PDZD2: variants seen among roughly 807,000 people sequenced by gnomAD.
PDZD2 encodes the protein PDZ domain-containing protein 2.
In PDZD2, 90 loss-of-function variants were observed where a neutral mutation model predicts 220.7. That is an observed-to-expected ratio of 0.41 (90% CI 0.34 to 0.49). The LOEUF (loss-of-function observed/expected upper bound fraction) is 0.49. Among genes scored for constraint, PDZD2 ranks in the 20% least tolerant of loss-of-function variants. The probability of loss-of-function intolerance (pLI) is 0.28; values close to 1 mark genes in which losing one functional copy is unlikely to be tolerated. For synonymous variants in PDZD2, 1,375 were observed against 1,450.5 expected (o/e 0.95, Z 1.18); for missense variants, 3,174 against 3,608.5 (o/e 0.88, Z 3.08).
chr5:31,788,482 G>A (rs1307934080), intron 1 of PDZD2, among the ~76,000 whole-genome samples: 2 of 152,102 alleles, frequency 1.3e-5, no homozygotes, highest in Non-Finnish European at 2.9e-5. Flanking sequence ...TGGCTAACAT[G>A]GTGAAACCCC....
intron 1 of PDZD2, among the ~76,000 whole-genome samples, chr5:31,789,569 G>A (rs991885311): frequency 6.6e-6 from 1 of 152,172 alleles, no homozygotes; most frequent in Non-Finnish European, 1.5e-5. Context: ...GCTAGATAGG[G>A]CTCCTTGTGA....
At chr5:31,685,766 C>T (rs1042917553) in intron 1 of PDZD2, among the ~76,000 whole-genome samples, 4 of 152,160 alleles carry the variant, frequency 2.6e-5, no homozygotes, top group Non-Finnish European at 5.9e-5. Context: ...TCAAGCAATC[C>T]ACCTGCCTTG....
intron 2 of PDZD2, among the ~76,000 whole-genome samples, chr5:31,906,632 C>T (rs1239543270): frequency 6.6e-6 from 1 of 152,060 alleles, no homozygotes; most frequent in Non-Finnish European, 1.5e-5. Context: ...CATCTGAGGT[C>T]AGGAGTTCCA....
intron 1 of PDZD2, among the ~76,000 whole-genome samples, chr5:31,716,002 TC>T (rs1237896627): frequency 1.3e-5 from 2 of 152,314 alleles, no homozygotes; most frequent in Non-Finnish European, 1.5e-5. Context: ...AGGCCCCTCT[TC>T]TGCTATTTCT....
At chr5:31,861,116 T>G (rs1737666898) in intron 2 of PDZD2, among the ~76,000 whole-genome samples, 1 of 152,182 alleles carries the variant, frequency 6.6e-6, no homozygotes, top group Non-Finnish European at 1.5e-5. Context: ...GATGGCCCTT[T>G]TGCTTTCTCC....
At position 32,040,800 on chromosome 5, in the gene PDZD2, T is replaced by C. The variant is rs565927795; in HGVS notation, c.1519+3458T>C. ...CCCGGCCGCCACCCCGTCTGGGAAG[T>C]GGGGAGCACCTCTGCCCAGCCGCCC... is the stretch of plus-strand genomic sequence containing the variant. On this transcript the variant is annotated intron_variant, in intron 7 of 24. Coordinates refer to ENST00000438447, the MANE Select transcript of PDZD2 (RefSeq NM_178140.4). Among the ~76,000 whole-genome samples the C allele has an allele frequency of 6.7e-3, 844 of 125,132 alleles. 3 individuals carry two copies. Among genetic ancestry groups the C allele is most frequent in the Non-Finnish European group, 8.7e-3 (532 of 61,156 alleles). 82.1% of individuals were successfully genotyped at this position (125,132 alleles called of 152,430 possible). A position where few individuals can be genotyped will look rare whatever the true frequency, so the allele number is the denominator to read the frequency against.
Position 32,090,222 on chromosome 5 carries a change from C to A in PDZD2, c.6774C>A (p.Val2258=). Residue 2258 remains valine (V), a synonymous_variant, in exon 20 of 25, where the codon GTC becomes GTA. Coordinates refer to ENST00000438447, the MANE Select transcript of PDZD2 (RefSeq NM_178140.4). The surrounding 1 kb of genome is among the most constrained non-coding windows in gnomAD (Gnocchi z 4.3). The part of the protein sequence containing the change: ...DSQVPVTSSV[V]PEAKASRGGL... Reference sequence around the variant, plus strand: ...AGGTCCCTGTGACAAGCAGTGTTGTCCCCGAGGCAAAGGCATCCAGAGGTG... The same window carrying A: ...AGGTCCCTGTGACAAGCAGTGTTGTACCCGAGGCAAAGGCATCCAGAGGTG... 6.2e-7 allele frequency: 1 copy of A among 1,614,100 alleles called. No homozygotes were observed. Among genetic ancestry groups the A allele is most frequent in the South Asian group, 1.1e-5 (1 of 91,084 alleles).
chr5:31,701,133 C>G (rs78047584), intron 1 of PDZD2, among the ~76,000 whole-genome samples: 266 of 152,308 alleles, frequency 1.7e-3, no homozygotes, highest in African/African-American at 6.2e-3. Context: ...GCGGATCCTC[C>G]ATGAATATTT....
intron 24 of PDZD2, among the ~76,000 whole-genome samples, chr5:32,102,674 C>T (rs1744365253): frequency 6.6e-6 from 1 of 152,128 alleles, no homozygotes; most frequent in Non-Finnish European, 1.5e-5. Context: ...TACAGGGCAA[C>T]ATCCATTGCC....
At chr5:32,095,479 T>C (rs1345867953) in intron 21 of PDZD2, among the ~76,000 whole-genome samples, 2 of 152,138 alleles carry the variant, frequency 1.3e-5, no homozygotes, top group African/African-American at 4.8e-5. Flanking sequence ...CTGTGAGAGA[T>C]TCGAGGCTTC....
In PDZD2 at chr5:31,995,702, G is replaced by A; in HGVS notation, c.1105G>A (p.Gly369Arg). ...HAIVVTQVKE[G>R]GAAHRDGRLS... ...TATCGTTGTCACTCAAGTGAAGGAAGGAGGTGCCGCTCACAGGTGACTAGA... is the reference window on the plus strand; with the variant it reads ...TATCGTTGTCACTCAAGTGAAGGAAAGAGGTGCCGCTCACAGGTGACTAGA... The change falls in exon 4 of 25, where the codon GGA becomes AGA. Residue 369 changes from glycine (G) to arginine (R), a missense_variant. By Grantham distance (125) the Gly-to-Arg change is moderately radical. Coordinates refer to ENST00000438447, the MANE Select transcript of PDZD2 (RefSeq NM_178140.4). 6.2e-7 allele frequency: 1 copy of A among 1,613,838 alleles called. No individual in the cohort carries two copies. Among genetic ancestry groups the A allele is most frequent in the South Asian group, 1.1e-5 (1 of 91,032 alleles).
At chr5:32,105,286 G>T (rs1039337125) in intron 24 of PDZD2, among the ~76,000 whole-genome samples, 1 of 152,172 alleles carries the variant, frequency 6.6e-6, no homozygotes, top group East Asian at 1.9e-4. Context: ...AACACAGGAA[G>T]ATGCTCAAAC....
At chr5:31,877,094 T>G (rs1017059143) in intron 2 of PDZD2, among the ~76,000 whole-genome samples, 1 of 152,230 alleles carries the variant, frequency 6.6e-6, no homozygotes, top group Non-Finnish European at 1.5e-5. Flanking sequence ...TAAATGATGA[T>G]TGTTACTCTA....
At chr5:31,820,694 T>C (rs545353009) in intron 2 of PDZD2, 5 of 150,108 alleles carry the variant, frequency 3.3e-5, no homozygotes, top group Middle Eastern at 3.2e-3. Context: ...ACAAATTTCA[T>C]GGAGTGAAGG....
intron 1 of PDZD2, among the ~76,000 whole-genome samples, chr5:31,671,131 A>G (rs1746199928): frequency 6.6e-6 from 1 of 151,898 alleles, no homozygotes; most frequent in African/African-American, 2.4e-5. Flanking sequence ...ATCCATTCCT[A>G]CTCTCGAGGA....
At chr5:31,873,030 C>T (rs1255693604) in intron 2 of PDZD2, among the ~76,000 whole-genome samples, 5 of 152,086 alleles carry the variant, frequency 3.3e-5, no homozygotes, top group African/African-American at 1.2e-4. Context: ...GTGATTTTTA[C>T]ACAATGACAA....
intron 5 of PDZD2, among the ~76,000 whole-genome samples, chr5:32,001,856 T>G (rs1205126120): frequency 1.3e-5 from 2 of 152,118 alleles, no homozygotes; most frequent in African/African-American, 4.8e-5. Context: ...CGATGTGCTG[T>G]TGATGAGACT....
chr5:31,821,121 G>T (rs1002921834), intron 2 of PDZD2, among the ~76,000 whole-genome samples: 9 of 151,712 alleles, frequency 5.9e-5, no homozygotes, highest in Admixed American at 2.6e-4. Flanking sequence ...TGTCTCTGAG[G>T]CAAGTCTGAT....
intron 1 of PDZD2, among the ~76,000 whole-genome samples, chr5:31,661,123 A>C (rs1745745303): frequency 6.6e-6 from 1 of 152,182 alleles, no homozygotes; most frequent in Admixed American, 6.5e-5. Context: ...CAAATGAGAA[A>C]GGGTTAGCTC....
Sources: gnomAD v4.1 joint callset for allele counts (sites outside exome capture counted in the v4.1 genomes callset) on GRCh38, gnomAD v4.1.1 for gene constraint, Gnocchi (gnomAD v3.1) non-coding constraint, MANE v1.5 for transcripts, NCBI Gene and HGNC (gene_info 2026-07-23, HGNC 2026-07-21) for gene names.